Variants in NF1 observed in about 807,000 individuals in gnomAD.
NF1 encodes neurofibromin 1.
In NF1, 122 loss-of-function variants were observed where a neutral mutation model predicts 325.7. That is an observed-to-expected ratio of 0.37 (90% CI 0.32 to 0.44). NF1 has a LOEUF of 0.44. Ranked by LOEUF, NF1 falls within the 20% of genes least tolerant of loss-of-function variation. The probability of loss-of-function intolerance (pLI) is 1.00; values close to 1 mark genes in which losing one functional copy is unlikely to be tolerated. For missense variants in NF1, 2,140 were observed against 3,415.4 expected (o/e 0.63, Z 9.31); for synonymous variants, 1,091 against 1,186.0 (o/e 0.92, Z 1.65).
rs369458366 is a variant in NF1 at position 31,219,076 on chromosome 17, C to G, written c.1599C>G (p.Val533=). The G allele has an allele frequency of 1.7e-4, 267 of 1,613,808 alleles. 2 individuals carry two copies. The highest frequency in any genetic ancestry group is 8.2e-4 in the Middle Eastern group (5 of 6,062). ...AELITGLVQL[V]PQSHMPEIAQ... ...TAATTACAGGGCTCGTCCAACTGGT[C>G]CCTCAGTCACACATGCCAGAGATTG... The change falls in exon 14 of 58, where the codon GTC becomes GTG. Residue 533 remains valine, a synonymous_variant. Coordinates refer to ENST00000358273, the MANE Select transcript of NF1 (RefSeq NM_001042492.3).
chr17:31,206,948 C>T (rs1249964904), intron 12 of NF1, among the ~76,000 whole-genome samples: 2 of 152,102 alleles, frequency 1.3e-5, no homozygotes, highest in Non-Finnish European at 2.9e-5. Flanking sequence ...TGGGTATTCT[C>T]ACAGATTATT....
At chr17:31,340,123 G>A (rs1031469502) in intron 46 of NF1, among the ~76,000 whole-genome samples, 2 of 152,156 alleles carry the variant, frequency 1.3e-5, no homozygotes, top group African/African-American at 4.8e-5. Context: ...GATTGGAGTA[G>A]GGAGAAACTG....
chr17:31,225,095 C>A lies in NF1; in HGVS notation c.1846C>A (p.Gln616Lys), dbSNP rs1555613543. The change falls in exon 17 of 58, where the codon CAG (glutamine) becomes AAG (lysine). Residue 616 changes from glutamine to lysine, a missense_variant and splice_region_variant. This residue lies in a region of NF1 where 45 missense variants were observed against 42.5 expected (regional missense o/e 1.06). Transcript: ENST00000358273. ...CRNKFLLKNK[Q>K]ADRSSCHFLL... ...AGCTTATTTATTTATTTTTTTCTAG[C>A]AGGCAGATAGAAGTTCCTGTCACTT... 6.2e-7 allele frequency: 1 copy of A among 1,613,304 alleles called. No individual in the cohort carries two copies. Among genetic ancestry groups the A allele is most frequent in the Non-Finnish European group, 8.5e-7 (1 of 1,179,520 alleles).
chr17:31,243,180 C>CTGTGTG (rs1162406311), intron 29 of NF1, among the ~76,000 whole-genome samples: 1 of 73,260 alleles, frequency 1.4e-5, no homozygotes, highest in Non-Finnish European at 2.4e-5. Flanking sequence ...GTCTCTCTCT[C>CTGTGTG]TGTCTGTGTG....
At position 31,229,980 on chromosome 17, in the gene NF1, C is replaced by T. The variant is rs1424223162; in HGVS notation, c.2990+6C>T. Reference sequence around the variant, plus strand: ...ATGATGTTAAATCTGGTCAGGTAAGCATTCTACTGAAATGTAGCAGAAACA... The same window carrying T: ...ATGATGTTAAATCTGGTCAGGTAAGTATTCTACTGAAATGTAGCAGAAACA... On this transcript the variant is annotated splice_donor_region_variant and intron_variant, in intron 22 of 57. Coordinates refer to ENST00000358273, the MANE Select transcript of NF1 (RefSeq NM_001042492.3). The T allele has an allele frequency of 2.5e-6, 4 of 1,611,616 alleles. No homozygotes were observed. Among genetic ancestry groups the T allele is most frequent in the Non-Finnish European group, 3.4e-6 (4 of 1,179,602 alleles).
intron 51 of NF1, among the ~76,000 whole-genome samples, chr17:31,355,517 AGAT>A (rs1231776723): frequency 6.6e-6 from 1 of 152,198 alleles, no homozygotes; most frequent in African/African-American, 2.4e-5. Flanking sequence ...TTAAATTGTC[AGAT>A]TTTATTATAT....
chr17:31,125,316 TTGTATA>T (rs1441066008), intron 1 of NF1, among the ~76,000 whole-genome samples: 1 of 151,562 alleles, frequency 6.6e-6, no homozygotes, highest in Admixed American at 6.6e-5. Flanking sequence ...TTTGTATATA[TTGTATA>T]TATATATATA....
intron 36 of NF1, 106 bp downstream of exon 36, chr17:31,265,445 A>G: frequency 1.2e-6 from 1 of 806,964 alleles, no homozygotes; most frequent in South Asian, 1.4e-5. Context: ...CAGGAATTGA[A>G]GACAAGTTTA....
chr17:31,113,425 A>G (rs762423210), intron 1 of NF1, among the ~76,000 whole-genome samples: 1 of 151,950 alleles, frequency 6.6e-6, no homozygotes, highest in Non-Finnish European at 1.5e-5. Context: ...TTCTTATTTT[A>G]TAGAGACAGG....
At chr17:31,327,925 T>A in intron 38 of NF1, 86 bp downstream of exon 38, 1 of 1,248,316 alleles carries the variant, frequency 8.0e-7, no homozygotes. Flanking sequence ...AAACAGCCTC[T>A]ACCTTAATAT....
chr17:31,319,882 A>T (rs1891969431), intron 36 of NF1, among the ~76,000 whole-genome samples: 1 of 152,108 alleles, frequency 6.6e-6, no homozygotes, highest in Admixed American at 6.6e-5. Context: ...TTGTAAAAAA[A>T]AATGTGTAAT....
chr17:31,210,685 A>G (rs994279192), intron 12 of NF1, among the ~76,000 whole-genome samples: 4 of 152,240 alleles, frequency 2.6e-5, no homozygotes, highest in African/African-American at 9.6e-5. Context: ...AAAATGCCAT[A>G]TTAAGATCTG....
At chr17:31,310,598 G>C (rs1477948878) in intron 36 of NF1, among the ~76,000 whole-genome samples, 1 of 152,022 alleles carries the variant, frequency 6.6e-6, no homozygotes, top group African/African-American at 2.4e-5. Context: ...TTCATTTCAG[G>C]CTCTCCTGTC....
At chr17:31,361,401 A>G (rs899731446) in intron 57 of NF1, 10 of 152,384 alleles carry the variant, frequency 6.6e-5, no homozygotes, top group Admixed American at 3.9e-4. Flanking sequence ...ATTCAGTGTC[A>G]TAGTGAATGG....
chr17:31,356,928 T>C, intron 52 of NF1, 32 bp from the exon 53 acceptor site: 1 of 1,612,942 alleles, frequency 6.2e-7, no homozygotes, highest in Non-Finnish European at 8.5e-7. Context: ...TATCCAGGTG[T>C]TTGATCACGT....
At chr17:31,328,087 A>AT (rs17884436) in intron 38 of NF1, among the ~76,000 whole-genome samples, 188 of 151,804 alleles carry the variant, frequency 1.2e-3, no homozygotes, top group African/African-American at 4.3e-3. Context: ...GACATAGCAG[A>AT]TTTTTTTTTC....
chr17:31,307,678 T>G (rs561506117), intron 36 of NF1, among the ~76,000 whole-genome samples: 2 of 152,184 alleles, frequency 1.3e-5, no homozygotes, highest in African/African-American at 4.8e-5. Context: ...TGAGACAATT[T>G]GCAACTTTTG....
At chr17:31,258,968 T>A in intron 32 of NF1, 64 bp from the exon 33 acceptor site, 1 of 1,070,366 alleles carries the variant, frequency 9.3e-7, no homozygotes. Context: ...TTAAAGAATG[T>A]CTTAATGTAT....
At chr17:31,256,981 A>G (rs1294553653) in intron 31 of NF1, among the ~76,000 whole-genome samples, 1 of 152,200 alleles carries the variant, frequency 6.6e-6, no homozygotes, top group African/African-American at 2.4e-5. Context: ...ATAGAAAGCT[A>G]TTTTGAGGTT....
Sources: allele counts gnomAD v4.1 joint callset (sites outside exome capture counted in the v4.1 genomes callset), GRCh38; gene constraint gnomAD v4.1.1; regional missense constraint gnomAD v4.1.1; transcripts MANE v1.5; gene names NCBI Gene and HGNC (gene_info 2026-07-23, HGNC 2026-07-21).